Variants in PCDHGA1 observed in about 807,000 individuals in gnomAD.
PCDHGA1 encodes protocadherin gamma-A1.
A neutral mutation model predicts 58.0 loss-of-function variants in PCDHGA1; 32 were observed. The observed-to-expected ratio is 0.55, with a 90% CI of 0.42 to 0.74. The LOEUF (loss-of-function observed/expected upper bound fraction) is 0.74, where lower values mean the gene tolerates loss of function less well. PCDHGA1 is among the 30% of genes least tolerant of loss of function. PCDHGA1 has a pLI of 0.00. For missense variants in PCDHGA1, 1,205 were observed against 1,182.3 expected (o/e 1.02, Z -0.28); for synonymous variants, 498 against 501.1 (o/e 0.99, Z 0.08).
chr5:141,428,037 C>T, intron 1 of PCDHGA1: 1 of 1,608,458 alleles, frequency 6.2e-7, no homozygotes, highest in South Asian at 1.1e-5. Context: ...GTCCGGCTAC[C>T]TGGTGACCAA....
intron 1 of PCDHGA1, chr5:141,428,769 T>A (rs1367357065): frequency 6.5e-6 from 1 of 154,242 alleles, no homozygotes; most frequent in Non-Finnish European, 1.4e-5. Flanking sequence ...TTGCCCACTC[T>A]TAATATTTCC....
intron 1 of PCDHGA1, chr5:141,409,807 C>T (rs1561723178): frequency 1.2e-6 from 2 of 1,611,592 alleles, no homozygotes; most frequent in Non-Finnish European, 1.7e-6. Flanking sequence ...TGCAGGCCCG[C>T]GACCACGGCT....
rs764843194 is a variant in PCDHGA1 at position 141,490,530 on chromosome 5, T to A, written c.2422-4277T>A. 1.2e-6 allele frequency: 2 copies of A among 1,613,794 alleles called. No individual in the cohort carries two copies. Among genetic ancestry groups the A allele is most frequent in the African/African-American group, 2.7e-5 (2 of 74,846 alleles). ...TCGAGCTGCTGGCCAGCGATGCTGG[T>A]TCACCTTCCCTACACAAACATCTCA... On this transcript the variant is annotated intron_variant, in intron 1 of 3. Coordinates refer to ENST00000517417, the MANE Select transcript of PCDHGA1 (RefSeq NM_018912.3). This position sits in a 1 kb window ranked among gnomAD's most constrained non-coding sequence, Gnocchi z 5.4.
chr5:141,393,373 A>G lies in PCDHGA1; in HGVS notation c.2421+60268A>G, dbSNP rs1364997808. 1 of 1,613,956 alleles carries G rather than the reference A, an allele frequency of 6.2e-7. No homozygotes were observed. The highest frequency in any genetic ancestry group is 1.3e-5 in the African/African-American group (1 of 75,054). On this transcript the variant is annotated intron_variant, in intron 1 of 3. Transcript: ENST00000517417. ...TCCCTGGACGTGCAGACTGGAGACA[A>G]TGGAGCCATAAACCCAGAGCTGGTG...
intron 1 of PCDHGA1, chr5:141,373,798 T>A: frequency 3.2e-6 from 1 of 315,426 alleles, no homozygotes; most frequent in Non-Finnish European, 5.8e-6. Context: ...AATAAAATCC[T>A]CTGTGTGATA....
chr5:141,435,952 G>A lies in PCDHGA1; in HGVS notation c.2422-58855G>A, dbSNP rs944960593. ...TTGCTGCTTCTGAGACCAAAAAAGG[G>A]GGCAAAATATAGAGTGTGTGGTTCT... is the stretch of plus-strand genomic sequence containing the variant. On this transcript the variant is annotated intron_variant, in intron 1 of 3. Transcript: ENST00000517417. Among the ~76,000 whole-genome samples the A allele has an allele frequency of 2.6e-5, 4 of 152,098 alleles. No individual in the cohort carries two copies. The South Asian group carries it at 8.3e-4, about 32-fold the overall frequency.
At chr5:141,420,237 C>A in intron 1 of PCDHGA1, 1 of 1,595,672 alleles carries the variant, frequency 6.3e-7, no homozygotes, top group Non-Finnish European at 8.6e-7. Context: ...AGCATTTTAA[C>A]TCCCAGCGTT....
At chr5:141,385,224 T>G (rs751833387) in intron 1 of PCDHGA1, 2 of 1,614,206 alleles carry the variant, frequency 1.2e-6, no homozygotes, top group Non-Finnish European at 1.7e-6. Flanking sequence ...AGCCCAACTA[T>G]GTAGACATGC....
At chr5:141,344,118 GGT>G in intron 1 of PCDHGA1, 1 of 1,613,992 alleles carries the variant, frequency 6.2e-7, no homozygotes, top group South Asian at 1.1e-5. Flanking sequence ...AACAGGATCC[GGT>G]CAGATCCGCT....
intron 1 of PCDHGA1, chr5:141,421,469 G>C (rs767500900): frequency 2.5e-6 from 4 of 1,614,122 alleles, no homozygotes; most frequent in Non-Finnish European, 3.4e-6. Context: ...GTGAATCCGC[G>C]AAGCGGCAGC....
intron 1 of PCDHGA1, among the ~76,000 whole-genome samples, chr5:141,449,561 C>T (rs777459619): frequency 2.7e-4 from 39 of 147,008 alleles, no homozygotes; most frequent in Non-Finnish European, 4.6e-4. Flanking sequence ...TGCACTCCAG[C>T]CTGGGCGACA....
At chr5:141,361,404 A>G in intron 1 of PCDHGA1, 1 of 1,614,050 alleles carries the variant, frequency 6.2e-7, no homozygotes, top group East Asian at 2.2e-5. Context: ...TCACCATCAC[A>G]GCCACCGACG....
chr5:141,399,396 G>A (rs2093799031), intron 1 of PCDHGA1: 1 of 1,613,842 alleles, frequency 6.2e-7, no homozygotes, highest in African/African-American at 1.3e-5. Flanking sequence ...CCACAGACAG[G>A]GGCAAGCCGC....
chr5:141,487,429 C>A lies in PCDHGA1; in HGVS notation c.2422-7378C>A. 1 of 1,614,162 alleles carries A rather than the reference C, an allele frequency of 6.2e-7. No individual in the cohort carries two copies. Among genetic ancestry groups the A allele is most frequent in the Non-Finnish European group, 8.5e-7 (1 of 1,180,018 alleles). On this transcript the variant is annotated intron_variant, in intron 1 of 3. Transcript: ENST00000517417. The surrounding 1 kb of genome is among the most constrained non-coding windows in gnomAD (Gnocchi z 5.0). ...CCCCTTCCAATGGGATCCTCCGAAT[C>A]CAGCTAGGGTCAGATGACCCTATCA...
rs2099710385 is a variant in PCDHGA1 at position 141,491,296 on chromosome 5, G to A, written c.2422-3511G>A. 6.2e-7 allele frequency: 1 copy of A among 1,614,034 alleles called. No individual in the cohort carries two copies. Among genetic ancestry groups the A allele is most frequent in the African/African-American group, 1.3e-5 (1 of 74,924 alleles). Reference sequence around the variant, plus strand: ...CAGTGACTTCCTCATACACCCTCCTGAGCGTTCAGACCTTACCCTTTACCT... The same window carrying A: ...CAGTGACTTCCTCATACACCCTCCTAAGCGTTCAGACCTTACCCTTTACCT... On this transcript the variant is annotated intron_variant, in intron 1 of 3. Transcript: ENST00000517417. The surrounding 1 kb of genome is among the most constrained non-coding windows in gnomAD (Gnocchi z 6.9).
chr5:141,395,152 T>C (rs1324313583), intron 1 of PCDHGA1: 1 of 1,614,196 alleles, frequency 6.2e-7, no homozygotes, highest in African/African-American at 1.3e-5. Context: ...GACATGCTCA[T>C]CAGTCAGGAG....
chr5:141,383,342 C>T, intron 1 of PCDHGA1: 2 of 1,613,958 alleles, frequency 1.2e-6, no homozygotes, highest in Non-Finnish European at 1.7e-6. Flanking sequence ...AATACAGCTC[C>T]TGGGGTTCGG....
At chr5:141,355,098 C>G (rs1561507721) in intron 1 of PCDHGA1, 1 of 1,495,944 alleles carries the variant, frequency 6.7e-7, no homozygotes, top group East Asian at 2.3e-5. Flanking sequence ...CCTGAGAGCT[C>G]TGGCTGTGAA....
chr5:141,376,233 A>G lies in PCDHGA1; in HGVS notation c.2421+43128A>G, dbSNP rs2159258. 2.7e-3 allele frequency: 4,327 copies of G among 1,614,166 alleles called. 84 individuals carry two copies. In the African/African-American group the frequency reaches 0.046, roughly 17 times the overall value. Reference sequence around the variant, plus strand: ...ATCGTGCTGCTGGCGCTCAGACTGCAGCGCTGGCACAAGTCACGCCTGCTG... The same window carrying G: ...ATCGTGCTGCTGGCGCTCAGACTGCGGCGCTGGCACAAGTCACGCCTGCTG... On this transcript the variant is annotated intron_variant, in intron 1 of 3. Coordinates refer to ENST00000517417, the MANE Select transcript of PCDHGA1 (RefSeq NM_018912.3).
Sources: gnomAD v4.1 joint callset for allele counts (sites outside exome capture counted in the v4.1 genomes callset) on GRCh38, gnomAD v4.1.1 for gene constraint, Gnocchi (gnomAD v3.1) non-coding constraint, MANE v1.5 for transcripts, NCBI Gene and HGNC (gene_info 2026-07-23, HGNC 2026-07-21) for gene names.